The following HLCS variants were observed in gnomAD, a reference collection of about 807,000 sequenced individuals.
The protein encoded by HLCS is holocarboxylase synthetase.
Under a neutral mutation model 75.0 loss-of-function variants are expected in HLCS, and 53 were observed. That is an observed-to-expected ratio of 0.71 (90% confidence interval 0.57 to 0.89). The LOEUF (loss-of-function observed/expected upper bound fraction) is 0.89. Among genes scored for constraint, HLCS ranks in the 40% least tolerant of loss-of-function variants. The pLI is 0.00. For missense variants in HLCS, 966 were observed against 1,074.0 expected (o/e 0.90, Z 1.41); for synonymous variants, 431 against 428.6 (o/e 1.01, Z -0.07).
intron 6 of HLCS, among the ~76,000 whole-genome samples, chr21:36,808,625 C>T (rs1162057682): frequency 6.6e-6 from 1 of 152,006 alleles, no homozygotes; most frequent in African/African-American, 2.4e-5. Context: ...ATAAGCCTCG[C>T]AAGACAGTGT....
At position 36,945,044 on chromosome 21, in the gene HLCS, C is replaced by T. The variant is rs180861947; in HGVS notation, c.331-6050G>A. Reference sequence around the variant, plus strand: ...CTGAGGCAGGAGAATGGCGTGAACCCAGGAAGCGGAACTTGCAGTGAGCCA... The same window carrying T: ...CTGAGGCAGGAGAATGGCGTGAACCTAGGAAGCGGAACTTGCAGTGAGCCA... On this transcript the variant is annotated intron_variant, in intron 2 of 10. Transcript: ENST00000674895. Among the ~76,000 whole-genome samples, 1,475 of 152,202 alleles carry T rather than the reference C, an allele frequency of 9.7e-3. 26 individuals carry two copies. The highest frequency in any genetic ancestry group is 0.034 in the African/African-American group (1,403 of 41,524).
chr21:36,932,791 T>C (rs764191882), intron 4 of HLCS, among the ~76,000 whole-genome samples: 19 of 152,214 alleles, frequency 1.2e-4, no homozygotes, highest in Non-Finnish European at 1.0e-4. Flanking sequence ...AATTCCTACC[T>C]TAACCAAGCC....
Position 36,779,640 on chromosome 21 carries a change from A to G in HLCS, c.1893-12355T>C, listed in dbSNP as rs116746174. On this transcript the variant is annotated intron_variant, in intron 6 of 10. Coordinates refer to ENST00000674895, the MANE Select transcript of HLCS (RefSeq NM_001352514.2). Reference sequence around the variant, plus strand: ...ACTAACTAGAGTTCAATATTTGTTTACAGTTTTTTTTGCCCTTAGCCTGAG... The same window carrying G: ...ACTAACTAGAGTTCAATATTTGTTTGCAGTTTTTTTTGCCCTTAGCCTGAG... Among the ~76,000 whole-genome samples, 733 of 152,234 alleles carry G rather than the reference A, an allele frequency of 4.8e-3. 7 individuals carry two copies. Among genetic ancestry groups the G allele is most frequent in the African/African-American group, 0.017 (698 of 41,524 alleles).
chr21:36,947,535 G>C, intron 2 of HLCS: 2 of 985,448 alleles, frequency 2.0e-6, no homozygotes, highest in Non-Finnish European at 2.4e-6. Context: ...ATGGAAAAGA[G>C]AAGGGAAGTC....
intron 6 of HLCS, among the ~76,000 whole-genome samples, chr21:36,861,663 T>C (rs1242285104): frequency 6.6e-6 from 1 of 152,232 alleles, no homozygotes; most frequent in African/African-American, 2.4e-5. Flanking sequence ...TCTGTTACTG[T>C]GTTCGTTTGC....
intron 6 of HLCS, among the ~76,000 whole-genome samples, chr21:36,798,117 T>TA (rs1390757969): frequency 1.3e-5 from 2 of 151,492 alleles, no homozygotes; most frequent in African/African-American, 2.4e-5. Flanking sequence ...GGGAGAAGAG[T>TA]AAACACAAAG....
chr21:36,950,785 A>G (rs1241588956), intron 2 of HLCS, among the ~76,000 whole-genome samples: 2 of 152,086 alleles, frequency 1.3e-5, no homozygotes, highest in Non-Finnish European at 2.9e-5. Context: ...ACCCATTTTG[A>G]CCCCATTTAT....
In HLCS at chr21:36,756,234, C is replaced by T. The variant is rs189379984; in HGVS notation, c.2450+308G>A. 1.9e-3 allele frequency among the ~76,000 whole-genome samples: 284 copies of T among 151,050 alleles called. 2 individuals carry two copies. Among genetic ancestry groups the T allele is most frequent in the East Asian group, 3.7e-3 (19 of 5,132 alleles). ...CGGGCAGATCACAAGGTCAGGAGAT[C>T]GAGACCATCCTGGCTAACACGGTGA... On this transcript the variant is annotated intron_variant, in intron 10 of 10. Coordinates refer to ENST00000674895, the MANE Select transcript of HLCS (RefSeq NM_001352514.2).
chr21:36,782,034 A>C (rs1216927299), intron 6 of HLCS, among the ~76,000 whole-genome samples: 1 of 152,118 alleles, frequency 6.6e-6, no homozygotes, highest in Non-Finnish European at 1.5e-5. Flanking sequence ...CCTAGAAAAA[A>C]AAATCACATT....
At chr21:36,795,275 C>T (rs1050347136) in intron 6 of HLCS, among the ~76,000 whole-genome samples, 4 of 152,194 alleles carry the variant, frequency 2.6e-5, no homozygotes, top group Non-Finnish European at 5.9e-5. Context: ...AAATGCGCTT[C>T]GTCTTCTGCG....
At chr21:36,841,525 CAA>C (rs2062614240) in intron 6 of HLCS, among the ~76,000 whole-genome samples, 2 of 152,224 alleles carry the variant, frequency 1.3e-5, no homozygotes, top group African/African-American at 4.8e-5. Flanking sequence ...CAAGAGGATT[CAA>C]TCTGTGTGTG....
intron 2 of HLCS, among the ~76,000 whole-genome samples, chr21:36,941,772 A>G (rs2067151978): frequency 6.6e-6 from 1 of 152,190 alleles, no homozygotes; most frequent in African/African-American, 2.4e-5. Context: ...TGGGAGGCCA[A>G]GGCAGGTGGA....
chr21:36,981,256 C>T (rs1300150216), intron 1 of HLCS, among the ~76,000 whole-genome samples: 1 of 152,128 alleles, frequency 6.6e-6, no homozygotes, highest in Non-Finnish European at 1.5e-5. Context: ...ATTTGGCACT[C>T]CTGATGGGTT....
At chr21:36,818,108 T>C (rs143692453) in intron 6 of HLCS, among the ~76,000 whole-genome samples, 1 of 152,296 alleles carries the variant, frequency 6.6e-6, no homozygotes, top group African/African-American at 2.4e-5. Context: ...ATACAAAACA[T>C]CTAACTCCTA....
chr21:36,888,796 G>A (rs1173786703), intron 6 of HLCS, among the ~76,000 whole-genome samples: 1 of 151,900 alleles, frequency 6.6e-6, no homozygotes, highest in Non-Finnish European at 1.5e-5. Flanking sequence ...GACTGTCAAG[G>A]TCACAGAGCT....
At chr21:36,899,353 G>C (rs1473532902) in intron 5 of HLCS, among the ~76,000 whole-genome samples, 3 of 152,184 alleles carry the variant, frequency 2.0e-5, no homozygotes, top group Admixed American at 2.0e-4. Context: ...GCCGGGCACA[G>C]TGGTTCACGC....
intron 6 of HLCS, among the ~76,000 whole-genome samples, chr21:36,806,997 A>G (rs561207203): frequency 2.6e-5 from 4 of 152,304 alleles, no homozygotes; most frequent in African/African-American, 9.6e-5. Flanking sequence ...AGTAGCTGCT[A>G]ATCTTTTGCC....
chr21:36,793,098 A>G (rs2060919023), intron 6 of HLCS, among the ~76,000 whole-genome samples: 1 of 152,150 alleles, frequency 6.6e-6, no homozygotes, highest in Admixed American at 6.5e-5. Context: ...TCCTGATTAA[A>G]TAACCTGATT....
At chr21:36,864,045 C>T (rs961374952) in intron 6 of HLCS, among the ~76,000 whole-genome samples, 1 of 152,190 alleles carries the variant, frequency 6.6e-6, no homozygotes, top group Non-Finnish European at 1.5e-5. Flanking sequence ...TTATATCACT[C>T]TTGTAAGTGT....
Sources: allele counts gnomAD v4.1 joint callset (sites outside exome capture counted in the v4.1 genomes callset), GRCh38; gene constraint gnomAD v4.1.1; transcripts MANE v1.5; gene names NCBI Gene and HGNC (gene_info 2026-07-23, HGNC 2026-07-21).